The following EDNRA variants were observed in gnomAD, a reference collection of about 807,000 sequenced individuals.
EDNRA encodes endothelin receptor type A.
A neutral mutation model predicts 41.4 loss-of-function variants in EDNRA; 11 were observed. The ratio of observed to expected loss-of-function variants is 0.27; its 90% confidence interval spans 0.17 to 0.44. The LOEUF (loss-of-function observed/expected upper bound fraction) is 0.44, where lower values mean the gene tolerates loss of function less well. Among genes scored for constraint, EDNRA ranks in the 20% least tolerant of loss-of-function variants. EDNRA has a pLI of 1.00. For missense variants in EDNRA, 294 were observed against 531.0 expected (o/e 0.55, Z 4.39); for synonymous variants, 172 against 183.0 (o/e 0.94, Z 0.49).
chr4:147,487,900 C>T (rs1362787392), intron 2 of EDNRA: 1 of 152,236 alleles, frequency 6.6e-6, no homozygotes, highest in Non-Finnish European at 1.5e-5. Flanking sequence ...AAATGTTTAG[C>T]ATATGCTACA....
chr4:147,488,565 A>G (rs1430876197), intron 2 of EDNRA: 3 of 152,196 alleles, frequency 2.0e-5, no homozygotes, highest in Non-Finnish European at 4.4e-5. Context: ...TCATTTAACT[A>G]TCATTAATTT....
chr4:147,503,849 T>C (rs955662867), intron 2 of EDNRA, among the ~76,000 whole-genome samples: 3 of 152,104 alleles, frequency 2.0e-5, no homozygotes, highest in Non-Finnish European at 4.4e-5. Context: ...ATATTTATGA[T>C]GTTACAAGTT....
chr4:147,496,960 T>C (rs1366471517), intron 2 of EDNRA, among the ~76,000 whole-genome samples: 7 of 152,104 alleles, frequency 4.6e-5, no homozygotes, highest in Admixed American at 3.9e-4. Flanking sequence ...TAAAAACCTA[T>C]AGCTGTGTAC....
intron 3 of EDNRA, among the ~76,000 whole-genome samples, chr4:147,525,337 C>A (rs372239938): frequency 1.1e-4 from 17 of 152,212 alleles, no homozygotes; most frequent in African/African-American, 4.1e-4. Flanking sequence ...TTGAATAATT[C>A]CTCCGCAAAT....
intron 5 of EDNRA, among the ~76,000 whole-genome samples, chr4:147,538,751 G>A (rs1277495888): frequency 1.3e-5 from 2 of 152,178 alleles, no homozygotes; most frequent in African/African-American, 2.4e-5. Context: ...TTTAGCTAGA[G>A]TAGCGAGTTA....
intron 2 of EDNRA, among the ~76,000 whole-genome samples, chr4:147,517,251 A>G (rs1292526532): frequency 6.6e-6 from 1 of 152,204 alleles, no homozygotes; most frequent in African/African-American, 2.4e-5. Flanking sequence ...CTGCTAAATA[A>G]GAGAAAACCA....
intron 5 of EDNRA, among the ~76,000 whole-genome samples, chr4:147,537,252 G>A (rs916539851): frequency 6.6e-6 from 1 of 152,294 alleles, no homozygotes; most frequent in Middle Eastern, 3.4e-3. Context: ...GTATTATGAG[G>A]ATCAAAAGGA....
intron 2 of EDNRA, chr4:147,493,941 G>T (rs1412308222): frequency 1.3e-5 from 2 of 152,146 alleles, no homozygotes; most frequent in African/African-American, 2.4e-5. Context: ...ATTATTTTAG[G>T]TTGTGCACAT....
intron 5 of EDNRA, among the ~76,000 whole-genome samples, chr4:147,539,368 G>T (rs574855619): frequency 1.3e-5 from 2 of 151,668 alleles, no homozygotes; most frequent in Non-Finnish European, 2.9e-5. Flanking sequence ...CAGTCTCCTT[G>T]CCTTCCATGC....
intron 3 of EDNRA, among the ~76,000 whole-genome samples, chr4:147,532,072 G>A (rs1387914977): frequency 2.0e-5 from 3 of 149,364 alleles, no homozygotes; most frequent in Non-Finnish European, 4.4e-5. Context: ...CAGCACTTTG[G>A]GAGGCCGAGG....
chr4:147,499,499 G>A (rs971603568), intron 2 of EDNRA, among the ~76,000 whole-genome samples: 3 of 152,302 alleles, frequency 2.0e-5, no homozygotes, highest in Non-Finnish European at 2.9e-5. Context: ...TTGTCTCTTC[G>A]TTGTCTCGAT....
Position 147,485,877 on chromosome 4 carries a change from C to A in EDNRA, c.196C>A (p.His66Asn). Residue 66 changes from histidine to asparagine, a missense_variant, in exon 2 of 8, where the codon CAC (histidine) becomes AAC (asparagine). By Grantham distance (68) the His-to-Asn change is moderately conservative (BLOSUM62 1). Around this residue, in one of 3 missense-constraint regions of EDNRA, gnomAD observed 90 missense variants for 122.8 expected, o/e 0.73. Transcript: ENST00000651419. Reference sequence around the variant, plus strand: ...GGTCCTACCCAGCAATGGCTCAATGCACAACTATTGCCCACAGCAGACTAA... The same window carrying A: ...GGTCCTACCCAGCAATGGCTCAATGAACAACTATTGCCCACAGCAGACTAA... ...NLVLPSNGSMHNYCPQQTKIT... is the reference protein window; with the variant it reads ...NLVLPSNGSMNNYCPQQTKIT... 1 of 1,614,276 alleles carries A rather than the reference C, an allele frequency of 6.2e-7. No individual in the cohort carries two copies. Among genetic ancestry groups the A allele is most frequent in the Non-Finnish European group, 8.5e-7 (1 of 1,180,052 alleles).
At chr4:147,534,809 T>C (rs1196838891) in intron 4 of EDNRA, among the ~76,000 whole-genome samples, 4 of 152,228 alleles carry the variant, frequency 2.6e-5, no homozygotes, top group Non-Finnish European at 5.9e-5. Context: ...CATGTAAAAG[T>C]ATTATTCTCA....
intron 5 of EDNRA, among the ~76,000 whole-genome samples, chr4:147,537,970 G>T (rs1473122406): frequency 6.6e-6 from 1 of 152,106 alleles, no homozygotes; most frequent in Non-Finnish European, 1.5e-5. Context: ...TCATAGTTTT[G>T]CTTCTTGCTT....
chr4:147,488,459 G>A (rs972826182), intron 2 of EDNRA: 1 of 152,192 alleles, frequency 6.6e-6, no homozygotes, highest in Non-Finnish European at 1.5e-5. Flanking sequence ...ATACCTTACT[G>A]TAGTTCTAAA....
At chr4:147,518,929 T>C (rs886260654) in intron 2 of EDNRA, among the ~76,000 whole-genome samples, 11 of 152,226 alleles carry the variant, frequency 7.2e-5, no homozygotes, top group African/African-American at 2.7e-4. Context: ...TGAGCTATTA[T>C]TTAAGCCCAT....
intron 2 of EDNRA, among the ~76,000 whole-genome samples, chr4:147,503,620 TAC>T (rs1729588371): frequency 6.6e-6 from 1 of 152,128 alleles, no homozygotes; most frequent in African/African-American, 2.4e-5. Context: ...GGAAGAGAAA[TAC>T]AGATTGTAAT....
Position 147,493,389 on chromosome 4 carries a change from T to C in EDNRA, c.420+7288T>C, listed in dbSNP as rs186360426. 182 of 152,284 alleles carry C rather than the reference T, an allele frequency of 1.2e-3. 2 individuals carry two copies. Among genetic ancestry groups the C allele is most frequent in the African/African-American group, 4.0e-3 (167 of 41,560 alleles). The allele number at this position is 152,284 out of a possible 1,614,324, so 9.4% of individuals were successfully genotyped here. ...GGTAGTCTTATGAGTTGCTTGATTA[T>C]TATACAAAGTATATACAGTTAGTAT... On this transcript the variant is annotated intron_variant, in intron 2 of 7. Coordinates refer to ENST00000651419, the MANE Select transcript of EDNRA (RefSeq NM_001957.4).
chr4:147,534,991 T>C (rs900511140), intron 4 of EDNRA, among the ~76,000 whole-genome samples: 8 of 152,214 alleles, frequency 5.3e-5, no homozygotes, highest in Non-Finnish European at 1.2e-4. Flanking sequence ...TGTCCCATTT[T>C]TTACAGAGCA....
Sources: allele counts gnomAD v4.1 joint callset (sites outside exome capture counted in the v4.1 genomes callset), GRCh38; gene constraint gnomAD v4.1.1; regional missense constraint gnomAD v4.1.1; transcripts MANE v1.5; gene names NCBI Gene and HGNC (gene_info 2026-07-23, HGNC 2026-07-21).